GABRG3: variants seen among roughly 807,000 people sequenced by gnomAD.
GABRG3 encodes the protein gamma-aminobutyric acid type A receptor subunit gamma3, also known as gamma-aminobutyric acid receptor subunit gamma-3.
A neutral mutation model predicts 48.8 loss-of-function variants in GABRG3; 25 were observed. The ratio of observed to expected loss-of-function variants is 0.51; its 90% CI spans 0.37 to 0.72. The LOEUF (loss-of-function observed/expected upper bound fraction) is 0.72, where lower values mean the gene tolerates loss of function less well. Among genes scored for constraint, GABRG3 ranks in the 30% least tolerant of loss-of-function variants. The pLI is 0.00. For missense variants in GABRG3, 394 were observed against 577.9 expected, an observed-to-expected ratio of 0.68 and a Z score of 3.26; for synonymous variants, 227 against 217.6, an observed-to-expected ratio of 1.04 and a Z score of -0.38.
rs540168900 is a variant in GABRG3 at position 27,063,389 on chromosome 15, G to A, written c.270+36568G>A. Among the ~76,000 whole-genome samples, 18 of 152,360 alleles carry A rather than the reference G, an allele frequency of 1.2e-4. No individual in the cohort carries two copies. The East Asian group carries it at 3.3e-3, about 28-fold the overall frequency. ...ATCCTCAGTCTCTGAGGTGGGGCCTGGTGGGAGGTATCTGGATCATGGGGA... is the reference window on the plus strand; with the variant it reads ...ATCCTCAGTCTCTGAGGTGGGGCCTAGTGGGAGGTATCTGGATCATGGGGA... On this transcript the variant is annotated intron_variant, in intron 3 of 9. Transcript: ENST00000615808.
At chr15:27,371,511 G>A (rs1187721451) in intron 5 of GABRG3, among the ~76,000 whole-genome samples, 1 of 152,124 alleles carries the variant, frequency 6.6e-6, no homozygotes, top group Non-Finnish European at 1.5e-5. Context: ...TGTAGTTTGT[G>A]GTATTGAAGG....
At chr15:27,165,391 C>G (rs948149689) in intron 3 of GABRG3, among the ~76,000 whole-genome samples, 9 of 152,194 alleles carry the variant, frequency 5.9e-5, no homozygotes, top group Non-Finnish European at 1.2e-4. Flanking sequence ...GCATCTTTGA[C>G]AATTGAAATG....
chr15:27,276,999 A>G (rs1042526880), intron 3 of GABRG3, among the ~76,000 whole-genome samples: 3 of 152,204 alleles, frequency 2.0e-5, no homozygotes, highest in African/African-American at 7.2e-5. Flanking sequence ...GATGAAAGTA[A>G]AGGAAGAAAA....
At position 27,336,844 on chromosome 15, in the gene GABRG3, T is replaced by C. The variant is rs573357478; in HGVS notation, c.574+7956T>C. ...TGACTACTCCACAAGAAAAACAAAT[T>C]ACTCATATATGCAAGAACTTGGTCT... On this transcript the variant is annotated intron_variant, in intron 5 of 9. Coordinates refer to ENST00000615808, the MANE Select transcript of GABRG3 (RefSeq NM_033223.5). Among the ~76,000 whole-genome samples, 7 of 152,298 alleles carry C rather than the reference T, an allele frequency of 4.6e-5. No individual in the cohort carries two copies. In the East Asian group the frequency reaches 1.2e-3, roughly 25 times the overall value.
At chr15:27,046,135 C>T (rs891906969) in intron 3 of GABRG3, among the ~76,000 whole-genome samples, 6 of 151,950 alleles carry the variant, frequency 3.9e-5, no homozygotes, top group Admixed American at 1.3e-4. Flanking sequence ...CTCTTGTTGC[C>T]GAGGCTGGAG....
chr15:27,030,696 C>CTT (rs1555399412), intron 3 of GABRG3, among the ~76,000 whole-genome samples: 5 of 151,498 alleles, frequency 3.3e-5, no homozygotes, highest in Admixed American at 2.0e-4. Flanking sequence ...AATGTTCTGA[C>CTT]ACTCTGTGCT....
intron 2 of GABRG3, among the ~76,000 whole-genome samples, chr15:27,011,387 C>T (rs1057284679): frequency 1.3e-5 from 2 of 152,140 alleles, no homozygotes; most frequent in African/African-American, 4.8e-5. Flanking sequence ...CTTCCATCAC[C>T]CATATTCCTG....
intron 2 of GABRG3, among the ~76,000 whole-genome samples, chr15:26,998,109 G>T (rs1392344871): frequency 6.6e-6 from 1 of 152,188 alleles, no homozygotes; most frequent in African/African-American, 2.4e-5. Flanking sequence ...AATTTCTGAT[G>T]CCCAGTGTTG....
chr15:27,126,313 G>A (rs1030783840), intron 3 of GABRG3, among the ~76,000 whole-genome samples: 1 of 152,182 alleles, frequency 6.6e-6, no homozygotes, highest in African/African-American at 2.4e-5. Context: ...CTTAGTCAAA[G>A]CTACCCAGCA....
rs1338614266 is a variant in GABRG3 at position 27,287,756 on chromosome 15, TG to T, written c.271-39052del. On this transcript the variant is annotated intron_variant, in intron 3 of 9. Coordinates refer to ENST00000615808, the MANE Select transcript of GABRG3 (RefSeq NM_033223.5). ...CTGTGTCTTTTTTTTTTTTTTTTTT[TG>T]AGATGGAGTCTCGCTCTGTTGCCCA... is the stretch of plus-strand genomic sequence containing the variant. Among the ~76,000 whole-genome samples, 896 of 149,306 alleles carry T rather than the reference TG, an allele frequency of 6.0e-3. 19 individuals carry two copies. Among genetic ancestry groups the T allele is most frequent in the African/African-American group, 0.021 (856 of 40,254 alleles).
At chr15:27,448,696 G>A (rs1889016869) in intron 5 of GABRG3, among the ~76,000 whole-genome samples, 1 of 152,156 alleles carries the variant, frequency 6.6e-6, no homozygotes, top group Non-Finnish European at 1.5e-5. Flanking sequence ...TGATTGAAAT[G>A]ATTGCCTCAA....
At chr15:27,145,650 T>TA (rs1595550430) in intron 3 of GABRG3, among the ~76,000 whole-genome samples, 1 of 150,130 alleles carries the variant, frequency 6.7e-6, no homozygotes. Flanking sequence ...TCTATCTATC[T>TA]ATCTATCTAT....
intron 5 of GABRG3, among the ~76,000 whole-genome samples, chr15:27,347,855 G>A (rs1487065433): frequency 2.0e-5 from 3 of 152,130 alleles, no homozygotes; most frequent in African/African-American, 7.2e-5. Context: ...GATACCTGCT[G>A]TGACTCTCTA....
At chr15:27,105,280 A>G (rs899827270) in intron 3 of GABRG3, among the ~76,000 whole-genome samples, 3 of 152,164 alleles carry the variant, frequency 2.0e-5, no homozygotes, top group Non-Finnish European at 4.4e-5. Context: ...CTCAAAATAC[A>G]TGAAGCAAAA....
At position 27,457,549 on chromosome 15, in the gene GABRG3, C is replaced by T. The variant is rs1409431527; in HGVS notation, c.575-23101C>T. On this transcript the variant is annotated intron_variant, in intron 5 of 9. Transcript: ENST00000615808. The surrounding 1 kb of genome is among the most constrained non-coding windows in gnomAD (Gnocchi z 4.4). Reference sequence around the variant, plus strand: ...AGCTTCACACTTGGCAGAGGAGGACCTGCGATTAGATACGGACACGTTCCC... The same window carrying T: ...AGCTTCACACTTGGCAGAGGAGGACTTGCGATTAGATACGGACACGTTCCC... Among the ~76,000 whole-genome samples, 1 of 152,152 alleles carries T rather than the reference C, an allele frequency of 6.6e-6. No homozygotes were observed. The highest frequency in any genetic ancestry group is 1.5e-5 in the Non-Finnish European group (1 of 68,032).
At chr15:27,154,272 T>C (rs1057115815) in intron 3 of GABRG3, among the ~76,000 whole-genome samples, 2 of 152,188 alleles carry the variant, frequency 1.3e-5, no homozygotes, top group Non-Finnish European at 2.9e-5. Flanking sequence ...TTAGTAGCCC[T>C]GTATCTTCAG....
At chr15:27,087,194 C>G (rs138727187) in intron 3 of GABRG3, among the ~76,000 whole-genome samples, 6 of 152,296 alleles carry the variant, frequency 3.9e-5, no homozygotes, top group African/African-American at 7.2e-5. Flanking sequence ...CACTTGACAT[C>G]GAGCGAGGCT....
At chr15:27,025,354 A>T (rs1220874187) in intron 2 of GABRG3, among the ~76,000 whole-genome samples, 1 of 152,248 alleles carries the variant, frequency 6.6e-6, no homozygotes, top group Non-Finnish European at 1.5e-5. Flanking sequence ...GTTCTGCAGT[A>T]TTTGGAGATG....
intron 6 of GABRG3, among the ~76,000 whole-genome samples, chr15:27,487,692 GGA>G (rs1196181839): frequency 6.6e-6 from 1 of 152,040 alleles, no homozygotes; most frequent in Non-Finnish European, 1.5e-5. Flanking sequence ...TTCCATTGTA[GGA>G]TTATATTACT....
Sources: gnomAD v4.1 joint callset for allele counts (sites outside exome capture counted in the v4.1 genomes callset) on GRCh38, gnomAD v4.1.1 for gene constraint, Gnocchi (gnomAD v3.1) non-coding constraint, MANE v1.5 for transcripts, NCBI Gene and HGNC (gene_info 2026-07-23, HGNC 2026-07-21) for gene names.